Variants in NXPH1 observed in about 807,000 individuals in gnomAD.
NXPH1 encodes the protein neurexophilin 1.
A neutral mutation model predicts 23.7 loss-of-function variants in NXPH1; 5 were observed. That is an observed-to-expected ratio of 0.21 (90% confidence interval 0.11 to 0.44). The LOEUF (loss-of-function observed/expected upper bound fraction) is 0.44, where lower values mean the gene tolerates loss of function less well. Among genes scored for constraint, NXPH1 ranks in the 20% least tolerant of loss-of-function variants. NXPH1 has a pLI of 0.99. For synonymous variants in NXPH1, 144 were observed against 122.2 expected (o/e 1.18, Z -1.18); for missense variants, 324 against 321.6 (o/e 1.01, Z -0.06).
chr7:8,441,763 T>C (rs973497022), intron 2 of NXPH1, among the ~76,000 whole-genome samples: 1 of 152,224 alleles, frequency 6.6e-6, no homozygotes, highest in Non-Finnish European at 1.5e-5. Context: ...AAGAGCGCGT[T>C]TGCGCATTTT....
intron 2 of NXPH1, among the ~76,000 whole-genome samples, chr7:8,583,616 G>A (rs756148118): frequency 1.3e-5 from 2 of 152,108 alleles, no homozygotes; most frequent in African/African-American, 2.4e-5. Context: ...TGATAGAATC[G>A]AGGATGCCAC....
chr7:8,696,484 A>C (rs1209430226), intron 2 of NXPH1, among the ~76,000 whole-genome samples: 1 of 152,242 alleles, frequency 6.6e-6, no homozygotes, highest in Non-Finnish European at 1.5e-5. Flanking sequence ...GATTGGAATA[A>C]ACATGGACTT....
intron 2 of NXPH1, among the ~76,000 whole-genome samples, chr7:8,749,296 G>A (rs1780525291): frequency 6.6e-6 from 1 of 152,170 alleles, no homozygotes; most frequent in Non-Finnish European, 1.5e-5. Flanking sequence ...ACATTTTACA[G>A]ATTCAGGAAA....
intron 2 of NXPH1, among the ~76,000 whole-genome samples, chr7:8,668,988 A>G (rs944785331): frequency 6.6e-6 from 1 of 151,756 alleles, no homozygotes; most frequent in East Asian, 2.0e-4. Flanking sequence ...GTTGGCCTGG[A>G]GCATGGGTGT....
chr7:8,472,370 A>G (rs1232570432), intron 2 of NXPH1, among the ~76,000 whole-genome samples: 3 of 152,130 alleles, frequency 2.0e-5, no homozygotes, highest in Non-Finnish European at 4.4e-5. Flanking sequence ...GATATTCATG[A>G]TTTCATTTGA....
intron 2 of NXPH1, among the ~76,000 whole-genome samples, chr7:8,549,030 T>C (rs1818237328): frequency 1.3e-5 from 2 of 151,542 alleles, no homozygotes; most frequent in South Asian, 4.1e-4. Context: ...ACTCCTTTGT[T>C]TAATAATTGA....
At chr7:8,595,753 C>T (rs1322433292) in intron 2 of NXPH1, among the ~76,000 whole-genome samples, 2 of 151,684 alleles carry the variant, frequency 1.3e-5, no homozygotes, top group Non-Finnish European at 2.9e-5. Context: ...ATGTGCGCTT[C>T]TGGGGAGGGA....
intron 2 of NXPH1, among the ~76,000 whole-genome samples, chr7:8,595,265 C>G (rs1429584692): frequency 6.6e-6 from 1 of 151,576 alleles, no homozygotes; most frequent in East Asian, 1.9e-4. Context: ...TCGAGCAACC[C>G]CAGTATAAGA....
At chr7:8,607,595 T>C (rs1378743118) in intron 2 of NXPH1, among the ~76,000 whole-genome samples, 3 of 152,150 alleles carry the variant, frequency 2.0e-5, no homozygotes, top group African/African-American at 7.2e-5. Flanking sequence ...GACTCTTTTC[T>C]TTCTAAAATC....
At chr7:8,680,478 T>C (rs1266895025) in intron 2 of NXPH1, among the ~76,000 whole-genome samples, 1 of 152,222 alleles carries the variant, frequency 6.6e-6, no homozygotes, top group African/African-American at 2.4e-5. Flanking sequence ...GTCTTATAGA[T>C]TATTTCTCCA....
intron 2 of NXPH1, among the ~76,000 whole-genome samples, chr7:8,533,785 C>T (rs551659752): frequency 1.1e-4 from 17 of 152,224 alleles, no homozygotes; most frequent in Admixed American, 6.5e-5. Context: ...CCTAAGCATG[C>T]ATCCTGGTCA....
intron 2 of NXPH1, among the ~76,000 whole-genome samples, chr7:8,524,132 C>T (rs567396633): frequency 6.6e-6 from 1 of 150,672 alleles, no homozygotes; most frequent in East Asian, 2.0e-4. Flanking sequence ...ATCCCAGCTA[C>T]TCAGGAGGTC....
intron 2 of NXPH1, among the ~76,000 whole-genome samples, chr7:8,454,690 C>G (rs958879574): frequency 1.4e-4 from 22 of 152,196 alleles, no homozygotes; most frequent in African/African-American, 5.1e-4. Flanking sequence ...AAACGTGGCT[C>G]TAGAGGAACA....
chr7:8,647,563 A>T (rs1249585865), intron 2 of NXPH1, among the ~76,000 whole-genome samples: 2 of 151,810 alleles, frequency 1.3e-5, no homozygotes, highest in African/African-American at 2.4e-5. Flanking sequence ...TTGGTTTGTA[A>T]TTGTTTTTCT....
chr7:8,511,437 G>A lies in NXPH1; in HGVS notation c.54+75670G>A, dbSNP rs73048865. On this transcript the variant is annotated intron_variant, in intron 2 of 2. Transcript: ENST00000405863. ...TCAGATTTCTGCTGCATGCGGCCTG[G>A]GCTCCACTGCTGTCTGGCACCCTGC... is the stretch of plus-strand genomic sequence containing the variant. Among the ~76,000 whole-genome samples the A allele has an allele frequency of 8.5e-3, 1,300 of 152,138 alleles. 12 individuals are homozygous for A. The highest frequency in any genetic ancestry group is 0.017 in the South Asian group (80 of 4,812).
At chr7:8,734,618 G>C (rs1248272075) in intron 2 of NXPH1, among the ~76,000 whole-genome samples, 4 of 152,064 alleles carry the variant, frequency 2.6e-5, no homozygotes, top group African/African-American at 7.2e-5. Context: ...TCAAGTATGT[G>C]GTCAATTTTA....
intron 2 of NXPH1, among the ~76,000 whole-genome samples, chr7:8,471,830 A>G (rs1816877317): frequency 6.6e-6 from 1 of 152,088 alleles, no homozygotes; most frequent in African/African-American, 2.4e-5. Context: ...AGCATCTTAA[A>G]TTCTTTTCAT....
intron 2 of NXPH1, among the ~76,000 whole-genome samples, chr7:8,536,452 G>C (rs1194210881): frequency 6.6e-6 from 1 of 151,988 alleles, no homozygotes; most frequent in Non-Finnish European, 1.5e-5. Context: ...AACAAACTCT[G>C]GTAACTGAAG....
chr7:8,441,052 A>G (rs1360953741), intron 2 of NXPH1, among the ~76,000 whole-genome samples: 1 of 152,202 alleles, frequency 6.6e-6, no homozygotes, highest in Non-Finnish European at 1.5e-5. Context: ...TTTAAAAATA[A>G]AAAGTGTCTA....
Sources: gnomAD v4.1 joint callset for allele counts (sites outside exome capture counted in the v4.1 genomes callset) on GRCh38, gnomAD v4.1.1 for gene constraint, MANE v1.5 for transcripts, NCBI Gene and HGNC (gene_info 2026-07-23, HGNC 2026-07-21) for gene names.